AGBL1: variants seen among roughly 807,000 people sequenced by gnomAD.
AGBL1 encodes cytosolic carboxypeptidase 4.
AGBL1 carries 130 observed loss-of-function variants against 118.9 expected under a neutral mutation model. The ratio of observed to expected loss-of-function variants is 1.09; its 90% CI spans 0.95 to 1.26. The LOEUF is 1.26. Ranked by LOEUF, AGBL1 falls within the 50% of genes most tolerant of loss-of-function variation. AGBL1 has a pLI of 0.00. For synonymous variants in AGBL1, 555 were observed against 478.9 expected (o/e 1.16, Z -2.08); for missense variants, 1,584 against 1,298.1 (o/e 1.22, Z -3.38).
chr15:86,453,699 T>C (rs2082225988), intron 18 of AGBL1, among the ~76,000 whole-genome samples: 1 of 152,190 alleles, frequency 6.6e-6, no homozygotes, highest in African/African-American at 2.4e-5. Context: ...CTGATTTCAG[T>C]GTTTACATTC....
At chr15:86,507,628 G>A (rs2082993581) in intron 18 of AGBL1, among the ~76,000 whole-genome samples, 1 of 152,060 alleles carries the variant, frequency 6.6e-6, no homozygotes, top group Non-Finnish European at 1.5e-5. Flanking sequence ...TGAAAGGTGG[G>A]AAGAAGATCC....
intron 5 of AGBL1, among the ~76,000 whole-genome samples, chr15:86,223,674 C>G (rs2078313816): frequency 6.6e-6 from 1 of 152,154 alleles, no homozygotes; most frequent in African/African-American, 2.4e-5. Context: ...TTTGGTCTCC[C>G]TGAGTGGGGG....
chr15:86,716,042 G>C (rs2086633103), intron 22 of AGBL1, among the ~76,000 whole-genome samples: 1 of 149,468 alleles, frequency 6.7e-6, no homozygotes, highest in Non-Finnish European at 1.5e-5. Context: ...CTCCAGCCTG[G>C]GCAACAGAGC....
intron 22 of AGBL1, among the ~76,000 whole-genome samples, chr15:86,781,188 T>C (rs552919172): frequency 2.7e-4 from 41 of 152,320 alleles, no homozygotes; most frequent in African/African-American, 7.5e-4. Flanking sequence ...ACCTGACATG[T>C]TTAGCCCATG....
chr15:86,247,780 G>C lies in AGBL1; in HGVS notation c.636G>C (p.Arg212=), dbSNP rs773946112. The change falls in exon 7 of 23, where the codon CGG becomes CGC. Residue 212 remains arginine, a synonymous_variant. Coordinates refer to ENST00000614907, the MANE Select transcript of AGBL1 (RefSeq NM_001386094.1). ...DTANAYVQIR[R]GLLLCLRHIA... Reference sequence around the variant, plus strand: ...CCAACGCCTACGTGCAGATCCGACGGGGCTTGCTGCTCTGCCTCAGGCACA... The same window carrying C: ...CCAACGCCTACGTGCAGATCCGACGCGGCTTGCTGCTCTGCCTCAGGCACA... 33 of 1,613,844 alleles carry C rather than the reference G, an allele frequency of 2.0e-5. No homozygotes were observed. Among genetic ancestry groups the C allele is most frequent in the Non-Finnish European group, 2.5e-5 (30 of 1,179,878 alleles).
intron 22 of AGBL1, among the ~76,000 whole-genome samples, chr15:86,855,814 G>A (rs1596555425): frequency 6.6e-6 from 1 of 152,330 alleles, no homozygotes; most frequent in South Asian, 2.1e-4. Context: ...ATTTATGGTA[G>A]AGGCCTTTGC....
At chr15:86,133,272 G>A (rs1192371315) in intron 1 of AGBL1, among the ~76,000 whole-genome samples, 4 of 152,108 alleles carry the variant, frequency 2.6e-5, no homozygotes, top group Non-Finnish European at 4.4e-5. Context: ...ATAGGACTTT[G>A]CATACTAGCC....
intron 22 of AGBL1, among the ~76,000 whole-genome samples, chr15:86,834,120 AG>A (rs1378271027): frequency 1.3e-5 from 2 of 152,172 alleles, no homozygotes; most frequent in East Asian, 3.9e-4. Context: ...AATGGAGACA[AG>A]GAAGCCCTAT....
intron 18 of AGBL1, among the ~76,000 whole-genome samples, chr15:86,469,900 C>T (rs1039284940): frequency 1.3e-5 from 2 of 151,834 alleles, no homozygotes; most frequent in Non-Finnish European, 2.9e-5. Flanking sequence ...CTATTTAGGT[C>T]CTTTTGCCAT....
intron 6 of AGBL1, among the ~76,000 whole-genome samples, chr15:86,238,864 AG>A (rs1282142596): frequency 6.6e-6 from 1 of 151,992 alleles, no homozygotes; most frequent in Non-Finnish European, 1.5e-5. Flanking sequence ...TCTGTTGTCC[AG>A]GCTGGTCTTG....
intron 23 of AGBL1, among the ~76,000 whole-genome samples, chr15:86,953,511 C>T (rs2080900114): frequency 6.6e-6 from 1 of 151,890 alleles, no homozygotes; most frequent in Non-Finnish European, 1.5e-5. Context: ...CCACCTCAGC[C>T]TCCCAAGTAG....
rs1266663493 is a variant in AGBL1, at chr15:86,753,437, G to A, written c.3158+79001G>A. ...TTTTGAGACAGAGTCTTACTCTGTC[G>A]CCCAGGCTGGAGTGCAGTGGCATGA... On this transcript the variant is annotated intron_variant, in intron 22 of 22. Coordinates refer to ENST00000614907, the MANE Select transcript of AGBL1 (RefSeq NM_001386094.1). Among the ~76,000 whole-genome samples, 14 of 124,110 alleles carry A rather than the reference G, an allele frequency of 1.1e-4. No homozygotes were observed. The East Asian group carries it at 1.9e-3, about 16-fold the overall frequency. The allele number at this position is 124,110 out of a possible 152,430, so 81.4% of individuals were successfully genotyped here. A position where few individuals can be genotyped will look rare whatever the true frequency, so the allele number is the denominator to read the frequency against.
intron 21 of AGBL1, among the ~76,000 whole-genome samples, chr15:86,560,857 T>C (rs527981883): frequency 6.6e-6 from 1 of 152,326 alleles, no homozygotes; most frequent in South Asian, 2.1e-4. Flanking sequence ...TGGTATGTCA[T>C]TGTGGTTTTG....
chr15:87,006,791 G>C (rs2081509410), intron 24 of AGBL1, among the ~76,000 whole-genome samples: 1 of 152,122 alleles, frequency 6.6e-6, no homozygotes. Flanking sequence ...CTGTAGACTG[G>C]AGCTGTTGCT....
chr15:86,869,708 C>A (rs1436245039), intron 22 of AGBL1, among the ~76,000 whole-genome samples: 1 of 152,090 alleles, frequency 6.6e-6, no homozygotes, highest in Non-Finnish European at 1.5e-5. Context: ...ATTATTATAA[C>A]CATCCCTACT....
chr15:86,291,816 C>T (rs1014678926), intron 16 of AGBL1, among the ~76,000 whole-genome samples: 48 of 152,268 alleles, frequency 3.2e-4, no homozygotes, highest in Non-Finnish European at 1.5e-4. Context: ...ATGTGGCTCC[C>T]TCCCAATCTC....
chr15:86,708,233 G>A (rs1023658448), intron 22 of AGBL1, among the ~76,000 whole-genome samples: 18 of 152,060 alleles, frequency 1.2e-4, no homozygotes, highest in Admixed American at 5.2e-4. Context: ...TTTGGAGATA[G>A]GGTCTTAAGG....
intron 21 of AGBL1, among the ~76,000 whole-genome samples, chr15:86,652,340 A>G (rs1258258167): frequency 6.6e-6 from 1 of 152,178 alleles, no homozygotes; most frequent in Non-Finnish European, 1.5e-5. Context: ...AGAGAGGCAC[A>G]GGGATCTCAG....
intron 22 of AGBL1, among the ~76,000 whole-genome samples, chr15:86,711,620 G>A (rs2086558298): frequency 6.6e-6 from 1 of 152,162 alleles, no homozygotes; most frequent in African/African-American, 2.4e-5. Context: ...TTTGTTGAAT[G>A]AATTAATAGG....
Sources: allele counts gnomAD v4.1 joint callset (sites outside exome capture counted in the v4.1 genomes callset), GRCh38; gene constraint gnomAD v4.1.1; transcripts MANE v1.5; gene names NCBI Gene and HGNC (gene_info 2026-07-23, HGNC 2026-07-21).